Variants in DUSP15 observed in about 807,000 individuals in gnomAD.
DUSP15 encodes the protein dual specificity protein phosphatase 15.
In DUSP15, 23 loss-of-function variants were observed where a neutral mutation model predicts 26.3. That is an observed-to-expected ratio of 0.87 (90% confidence interval 0.63 to 1.24). The LOEUF (loss-of-function observed/expected upper bound fraction) is 1.24, where lower values mean the gene tolerates loss of function less well. Among genes scored for constraint, DUSP15 ranks in the 50% most tolerant of loss-of-function variants. The probability of loss-of-function intolerance (pLI) is 0.00; values close to 1 mark genes in which losing one functional copy is unlikely to be tolerated. For missense variants in DUSP15, 364 were observed against 320.6 expected (o/e 1.14, Z -1.03); for synonymous variants, 143 against 135.5 (o/e 1.06, Z -0.39).
rs747571045 is a variant in DUSP15, at chr20:31,861,471, G to A, written c.640C>T (p.Leu214=). 6.5e-7 allele frequency: 1 copy of A among 1,547,326 alleles called. No individual in the cohort carries two copies. Among genetic ancestry groups the A allele is most frequent in the Non-Finnish European group, 8.6e-7 (1 of 1,157,318 alleles). The change falls in exon 7 of 7, where the codon CTG becomes TTG. Residue 214 remains leucine, a synonymous_variant. Coordinates refer to ENST00000339738, the MANE Select transcript of DUSP15 (RefSeq NM_080611.5). ...TPREAHRPLP[L]LARVKQTFSC... is the part of the protein sequence containing the mutation. ...AAAGTCTGCTTGACGCGCGCCAGCA[G>A]CGGCAGCGGCCGGTGGGCTTCCCGG...
upstream of DUSP15, chr20:31,870,649 C>A (rs1349648634): frequency 3.9e-6 from 5 of 1,280,572 alleles, no homozygotes; most frequent in Admixed American, 1.4e-4. This position sits in a 1 kb window ranked among gnomAD's most constrained non-coding sequence, Gnocchi z 6.6. Flanking sequence ...GCCGGGCCCA[C>A]GGCCCGCGGG....
rs1419793897 is a variant in DUSP15 at position 31,849,612 on chromosome 20, C to T, written c.628+126G>A. 2.7e-6 allele frequency: 4 copies of T among 1,478,994 alleles called. No individual in the cohort carries two copies. The African/African-American group carries it at 4.2e-5, about 16-fold the overall frequency. The allele number at this position is 1,478,994 out of a possible 1,614,324, so 91.6% of individuals were successfully genotyped here. A position where few individuals can be genotyped will look rare whatever the true frequency, so the allele number is the denominator to read the frequency against. On this transcript the variant is annotated intron_variant, in intron 8 of 9. Transcript: ENST00000278979. ...TCCACCTTGTTGGGCTGCGCCAGTACAGGCCCTGGCACAGGCGCTTGGTGA... is the reference window on the plus strand; with the variant it reads ...TCCACCTTGTTGGGCTGCGCCAGTATAGGCCCTGGCACAGGCGCTTGGTGA...
chr20:31,853,754 T>C (rs377606659), intron 6 of DUSP15, among the ~76,000 whole-genome samples: 1 of 151,676 alleles, frequency 6.6e-6, no homozygotes, highest in Non-Finnish European at 1.5e-5. Context: ...CACCCCACCA[T>C]GTCTGGCTAA....
In DUSP15 at chr20:31,849,430, G is replaced by A. The variant is rs533200514; in HGVS notation, c.628+308C>T. The A allele has an allele frequency of 1.4e-4, 74 of 540,932 alleles. No homozygotes were observed. In the Middle Eastern group the frequency reaches 2.9e-3, roughly 21 times the overall value. 33.5% of individuals were successfully genotyped at this position (540,932 alleles called of 1,614,324 possible). A position where few individuals can be genotyped will look rare whatever the true frequency, so the allele number is the denominator to read the frequency against. ...CCAGCACCCTTAGGCCCATCCCCCT[G>A]GGCCTGCATTTAATGTGCCCACTCT... is the stretch of plus-strand genomic sequence containing the variant. On this transcript the variant is annotated intron_variant, in intron 8 of 9. Coordinates refer to the DUSP15 transcript ENST00000278979.
intron 6 of DUSP15, chr20:31,850,802 G>A (rs2062456168): frequency 1.0e-6 from 1 of 985,692 alleles, no homozygotes; most frequent in East Asian, 2.6e-5. Context: ...TCAACCAAAG[G>A]GCCTGGAGGA....
chr20:31,862,513 G>C, intron 6 of DUSP15, 58 bp downstream of exon 6: 2 of 1,516,616 alleles, frequency 1.3e-6, no homozygotes, highest in East Asian at 2.3e-5. Context: ...TGATCAGTTC[G>C]AGTGGGAAGA....
chr20:31,851,480 T>G (rs192050626), intron 6 of DUSP15, among the ~76,000 whole-genome samples: 1 of 151,418 alleles, frequency 6.6e-6, no homozygotes, highest in Non-Finnish European at 1.5e-5. Flanking sequence ...AAGGAATGAA[T>G]GTGGAGAAGA....
Position 31,863,695 on chromosome 20 carries a change from G to C in DUSP15, c.263+212C>G, listed in dbSNP as rs2062708082. On this transcript the variant is annotated intron_variant, in intron 5 of 6. Transcript: ENST00000339738. ...TTACAGATGAGGACATTGAGTCTCA[G>C]AGAGAAACAGCTACTTGGCTATGGC... is the stretch of plus-strand genomic sequence containing the variant. 4 of 560,354 alleles carry C rather than the reference G, an allele frequency of 7.1e-6. No individual in the cohort carries two copies. The Admixed American group carries it at 9.3e-5, about 13-fold the overall frequency. The allele number at this position is 560,354 out of a possible 1,614,324, so 34.7% of individuals were successfully genotyped here. A position where few individuals can be genotyped will look rare whatever the true frequency, so the allele number is the denominator to read the frequency against.
rs1252384766 is a variant in DUSP15 at position 31,849,817 on chromosome 20, C to T, written c.549G>A (p.Gly183=). ...TCAGACGACAGCGCTGGGCTGTGCGCCCGGTGGCTTCGCGCACCAGCGCTG... is the reference window on the plus strand; with the variant it reads ...TCAGACGACAGCGCTGGGCTGTGCGTCCGGTGGCTTCGCGCACCAGCGCTG... The change falls in exon 8 of 10, where the codon GGG becomes GGA. Residue 183 remains glycine (G), a synonymous_variant. Transcript: ENST00000278979. 5 of 1,528,652 alleles carry T rather than the reference C, an allele frequency of 3.3e-6. No homozygotes were observed. In the African/African-American group the frequency reaches 5.6e-5, roughly 17 times the overall value. The allele number at this position is 1,528,652 out of a possible 1,614,324, so 94.7% of individuals were successfully genotyped here.
intron 1 of DUSP15, 33 bp from the exon 2 acceptor site, chr20:31,869,630 A>C (rs2062871635): frequency 5.6e-5 from 90 of 1,612,456 alleles, no homozygotes; most frequent in Non-Finnish European, 7.4e-5. Flanking sequence ...TCAGTGGGGC[A>C]GGGGCTGCAC....
At chr20:31,849,892 G>A in intron 7 of DUSP15, 1 of 1,476,238 alleles carries the variant, frequency 6.8e-7, no homozygotes, top group Non-Finnish European at 8.9e-7. Flanking sequence ...GCGAGAGAGG[G>A]TGCACGGGCT....
At chr20:31,849,771 G>A in exon 8 of DUSP15, 7 of 1,539,926 alleles carry the variant, frequency 4.5e-6, no homozygotes, top group Non-Finnish European at 6.1e-6. Flanking sequence ...CCCAGCAGGC[G>A]CTCGGCGGCC....
Position 31,870,281 on chromosome 20 carries a change from G to C in DUSP15, c.21+36C>G, listed in dbSNP as rs899428579. On this transcript the variant is annotated intron_variant, in intron 1 of 6. Transcript: ENST00000339738. This position sits in a 1 kb window ranked among gnomAD's most constrained non-coding sequence, Gnocchi z 6.6. ...AGCGCCGGGCCGCGGCGGCCGGGGC[G>C]GGGACCGGGGAGGCTGCGCGGGGCC... is the stretch of plus-strand genomic sequence containing the variant. The C allele has an allele frequency of 4.1e-6, 5 of 1,227,724 alleles. No homozygotes were observed. The highest frequency in any genetic ancestry group is 5.1e-6 in the Non-Finnish European group (5 of 985,160). 76.1% of individuals were successfully genotyped at this position (1,227,724 alleles called of 1,614,324 possible). A position where few individuals can be genotyped will look rare whatever the true frequency, so the allele number is the denominator to read the frequency against.
intron 8 of DUSP15, chr20:31,849,456 CCT>C: frequency 3.2e-6 from 2 of 623,436 alleles, no homozygotes; most frequent in Non-Finnish European, 6.1e-6. Flanking sequence ...TGCCCACTCT[CCT>C]CTGTTCATGT....
intron 2 of DUSP15, among the ~76,000 whole-genome samples, chr20:31,868,875 G>A (rs2062837437): frequency 6.6e-6 from 1 of 152,224 alleles, no homozygotes. Flanking sequence ...GAAGAACAAG[G>A]TATCTATACA....
downstream of DUSP15, among the ~76,000 whole-genome samples, chr20:31,846,772 C>G (rs572725037): frequency 2.6e-5 from 4 of 152,310 alleles, no homozygotes; most frequent in South Asian, 6.2e-4. Context: ...TGGGGAGAGA[C>G]ATTCTCCCTC....
intron 1 of DUSP15, 90 bp from the exon 2 acceptor site, chr20:31,869,687 T>A: frequency 1.3e-6 from 2 of 1,559,926 alleles, no homozygotes. Flanking sequence ...CCCCTCTCTG[T>A]CCCATGAAGG....
In DUSP15 at chr20:31,861,644, T is replaced by A. The variant is rs572500091; in HGVS notation, c.467A>T (p.Glu156Val). 1.3e-4 allele frequency: 157 copies of A among 1,246,084 alleles called. 2 individuals carry two copies. In the South Asian group the frequency reaches 2.0e-3, roughly 16 times the overall value. 77.2% of individuals were successfully genotyped at this position (1,246,084 alleles called of 1,614,324 possible). A position where few individuals can be genotyped will look rare whatever the true frequency, so the allele number is the denominator to read the frequency against. Reference protein sequence around the residue: ...LRRQLEERFGESPFRDEEELR... With the variant: ...LRRQLEERFGVSPFRDEEELR... ...CTCCTCCTCGTCGCGGAAGGGGCTCTCGCCGAAGCGCTCCTCCAGCTGCCG... is the reference window on the plus strand; with the variant it reads ...CTCCTCCTCGTCGCGGAAGGGGCTCACGCCGAAGCGCTCCTCCAGCTGCCG... The change falls in exon 7 of 7, where the codon GAG (glutamate) becomes GTG (valine). Residue 156 changes from glutamate to valine, a missense_variant. Transcript: ENST00000339738.
chr20:31,867,644 T>TG (rs1452436346), intron 2 of DUSP15, among the ~76,000 whole-genome samples: 2 of 133,976 alleles, frequency 1.5e-5, no homozygotes, highest in East Asian at 4.4e-4. Flanking sequence ...TTTTTTTTTT[T>TG]TTTTTTTTTT....
Sources: allele counts gnomAD v4.1 joint callset (sites outside exome capture counted in the v4.1 genomes callset), GRCh38; gene constraint gnomAD v4.1.1; non-coding constraint Gnocchi (gnomAD v3.1); transcripts MANE v1.5; gene names NCBI Gene and HGNC (gene_info 2026-07-23, HGNC 2026-07-21).